The following JMJD1C variants were observed in gnomAD, a reference collection of about 807,000 sequenced individuals.
JMJD1C encodes jumonji domain-containing protein 1C.
A neutral mutation model predicts 245.3 loss-of-function variants in JMJD1C; 31 were observed. The observed-to-expected ratio is 0.13, with a 90% CI of 0.09 to 0.17. The LOEUF (loss-of-function observed/expected upper bound fraction) is 0.17. JMJD1C is among the 10% of genes least tolerant of loss of function. The pLI, the probability that JMJD1C is intolerant of heterozygous loss-of-function variation, is 1.00. For synonymous variants in JMJD1C, 1,057 were observed against 1,017.4 expected (o/e 1.04, Z -0.74); for missense variants, 2,691 against 3,000.2 (o/e 0.90, Z 2.41).
At chr10:63,274,518 T>C (rs1407462523) in intron 2 of JMJD1C, among the ~76,000 whole-genome samples, 2 of 152,096 alleles carry the variant, frequency 1.3e-5, no homozygotes, top group South Asian at 2.1e-4. Context: ...GGAGCTGAGA[T>C]TGTGCCACTG....
chr10:63,174,425 A>G (rs945179608), intron 24 of JMJD1C, among the ~76,000 whole-genome samples: 2 of 152,250 alleles, frequency 1.3e-5, no homozygotes, highest in Admixed American at 6.5e-5. Flanking sequence ...AGCCAGACTT[A>G]AAGGGTACAT....
rs938939095 is a variant in JMJD1C, at chr10:63,452,208, T to C, written c.168+13287A>G. Reference sequence around the variant, plus strand: ...AATCATTTAGCTGATAAGGTACTAATAACCAGAATATGTAAAGAACTCCTA... The same window carrying C: ...AATCATTTAGCTGATAAGGTACTAACAACCAGAATATGTAAAGAACTCCTA... On this transcript the variant is annotated intron_variant, in intron 1 of 25. Transcript: ENST00000399262. 3.3e-5 allele frequency among the ~76,000 whole-genome samples: 5 copies of C among 152,186 alleles called. No homozygotes were observed. The East Asian group carries it at 9.6e-4, about 29-fold the overall frequency.
At chr10:63,511,254 T>C (rs1043216621) in intron 1 of JMJD1C, among the ~76,000 whole-genome samples, 1 of 152,236 alleles carries the variant, frequency 6.6e-6, no homozygotes, top group East Asian at 1.9e-4. Context: ...TTTCCGTCTT[T>C]TACACTTTTT....
intron 3 of JMJD1C, among the ~76,000 whole-genome samples, chr10:63,247,987 G>A (rs776125500): frequency 6.6e-6 from 1 of 151,808 alleles, no homozygotes; most frequent in Non-Finnish European, 1.5e-5. Context: ...CTAGCACTGT[G>A]GGAAGCCGAG....
chr10:63,262,670 T>C (rs144313529), intron 3 of JMJD1C, among the ~76,000 whole-genome samples: 25 of 152,312 alleles, frequency 1.6e-4, no homozygotes, highest in African/African-American at 5.8e-4. Flanking sequence ...TTCTGGAAGA[T>C]ATGGCATCCT....
chr10:63,512,276 C>T (rs1954893497), intron 1 of JMJD1C, among the ~76,000 whole-genome samples: 1 of 149,934 alleles, frequency 6.7e-6, no homozygotes, highest in South Asian at 2.1e-4. Flanking sequence ...ATATTATTTT[C>T]CTTCTCTCTG....
intron 2 of JMJD1C, among the ~76,000 whole-genome samples, chr10:63,299,339 C>T (rs999654953): frequency 6.7e-6 from 1 of 149,588 alleles, no homozygotes; most frequent in Non-Finnish European, 1.5e-5. Context: ...TATGCCACCA[C>T]ACCCAGCTAA....
chr10:63,403,914 C>T (rs926690498), intron 1 of JMJD1C, among the ~76,000 whole-genome samples: 2 of 151,944 alleles, frequency 1.3e-5, no homozygotes, highest in African/African-American at 2.4e-5. Context: ...CCAGCCTGGG[C>T]GATAGAGTGA....
chr10:63,208,298 T>C lies in JMJD1C; in HGVS notation c.3371A>G (p.Asn1124Ser), dbSNP rs1014803113. The change falls in exon 10 of 26, where the codon AAT becomes AGT. Residue 1124 changes from asparagine to serine, a missense_variant. This residue lies in a region of JMJD1C where 1,562 missense variants were observed against 1,490.7 expected (regional missense o/e 1.05). Coordinates refer to ENST00000399262, the MANE Select transcript of JMJD1C (RefSeq NM_032776.3). The part of the protein sequence containing the change: ...VSNIYGDKQS[N>S]ALAAAAANPQ... ...ATTAGCTGCTGCCGCTGCAAGGGCA[T>C]TACTCTGTTTATCACCGTAAATATT... The C allele has an allele frequency of 6.2e-7, 1 of 1,614,106 alleles. No homozygotes were observed. Among genetic ancestry groups the C allele is most frequent in the Non-Finnish European group, 8.5e-7 (1 of 1,179,996 alleles).
At chr10:63,395,288 C>CT in intron 1 of JMJD1C, among the ~76,000 whole-genome samples, 1 of 152,188 alleles carries the variant, frequency 6.6e-6, no homozygotes, top group Non-Finnish European at 1.5e-5. Context: ...ACCATCCTGA[C>CT]TAACATGGTG....
chr10:63,234,517 A>AAAAC lies in JMJD1C; in HGVS notation c.448-14535_448-14534insGTTT, dbSNP rs1850462551. ...TTAAAAAAAAAAAAAAAAAAAAAAA[A>AAAAC]AAAACACCAAAAACAAAAACCTTCC... On this transcript the variant is annotated intron_variant, in intron 3 of 25. Coordinates refer to ENST00000399262, the MANE Select transcript of JMJD1C (RefSeq NM_032776.3). 6.1e-5 allele frequency among the ~76,000 whole-genome samples: 9 copies of AAAAC among 148,558 alleles called. No individual in the cohort carries two copies. In the East Asian group the frequency reaches 9.7e-4, roughly 16 times the overall value.
intron 1 of JMJD1C, among the ~76,000 whole-genome samples, chr10:63,433,043 T>C (rs1207871710): frequency 6.6e-6 from 1 of 152,208 alleles, no homozygotes; most frequent in Non-Finnish European, 1.5e-5. Flanking sequence ...AAATAATCTG[T>C]TTTCCTATAT....
chr10:63,370,262 C>A (rs935316092), intron 2 of JMJD1C, among the ~76,000 whole-genome samples: 1 of 152,168 alleles, frequency 6.6e-6, no homozygotes, highest in Non-Finnish European at 1.5e-5. Context: ...TTTATCAACC[C>A]TGTGGATGGT....
chr10:63,330,198 G>A (rs977462048), intron 2 of JMJD1C, among the ~76,000 whole-genome samples: 5 of 152,136 alleles, frequency 3.3e-5, no homozygotes, highest in Non-Finnish European at 7.4e-5. Flanking sequence ...CACCACACCC[G>A]GCCCTAAGCA....
intron 3 of JMJD1C, chr10:63,222,794 A>G: frequency 6.9e-7 from 1 of 1,458,388 alleles, no homozygotes; most frequent in Non-Finnish European, 9.6e-7. Flanking sequence ...GTCAATTCCT[A>G]GTGAAAAATT....
intron 10 of JMJD1C, chr10:63,203,682 A>G: frequency 1.0e-6 from 1 of 983,600 alleles, no homozygotes; most frequent in Non-Finnish European, 1.2e-6. Context: ...TAAGAGAAAC[A>G]AAAAGGTAGC....
intron 2 of JMJD1C, among the ~76,000 whole-genome samples, chr10:63,274,107 G>GA (rs1402146777): frequency 1.3e-5 from 2 of 152,022 alleles, no homozygotes. Context: ...CATATGGGTG[G>GA]AAAAAAAGAT....
intron 2 of JMJD1C, chr10:63,301,769 T>C (rs749870681): frequency 2.7e-5 from 12 of 444,010 alleles, no homozygotes; most frequent in South Asian, 1.9e-4. Context: ...CATACCTATG[T>C]AACAAACCGG....
At chr10:63,229,690 T>C (rs1849733975) in intron 3 of JMJD1C, among the ~76,000 whole-genome samples, 1 of 152,220 alleles carries the variant, frequency 6.6e-6, no homozygotes, top group African/African-American at 2.4e-5. Context: ...ATCAGAATGA[T>C]GTTTAGATTT....
Sources: allele counts gnomAD v4.1 joint callset (sites outside exome capture counted in the v4.1 genomes callset), GRCh38; gene constraint gnomAD v4.1.1; regional missense constraint gnomAD v4.1.1; transcripts MANE v1.5; gene names NCBI Gene and HGNC (gene_info 2026-07-23, HGNC 2026-07-21).